The following NARS1 variants were observed in gnomAD, a reference collection of about 807,000 sequenced individuals.
NARS1 encodes asparaginyl-tRNA synthetase 1, also known as asparagine--tRNA ligase, cytoplasmic.
In NARS1, 65 loss-of-function variants were observed where a neutral mutation model predicts 79.2. The observed-to-expected ratio is 0.82, with a 90% CI of 0.67 to 1.01. NARS1 has a LOEUF of 1.01. Ranked by LOEUF, NARS1 falls within the 50% of genes least tolerant of loss-of-function variation. The pLI, the probability that NARS1 is intolerant of heterozygous loss-of-function variation, is 0.00. For missense variants in NARS1, 649 were observed against 673.8 expected (o/e 0.96, Z 0.41); for synonymous variants, 229 against 238.8 (o/e 0.96, Z 0.38).
chr18:57,613,323 T>C (rs931870391), intron 5 of NARS1, among the ~76,000 whole-genome samples: 2 of 151,790 alleles, frequency 1.3e-5, no homozygotes, highest in African/African-American at 4.8e-5. Context: ...TGAAACACCG[T>C]CTCTACTAAA....
chr18:57,603,817 C>T (rs1390969490), intron 11 of NARS1, among the ~76,000 whole-genome samples: 2 of 105,360 alleles, frequency 1.9e-5, no homozygotes, highest in Non-Finnish European at 4.6e-5. Context: ...GAGCTCTAGT[C>T]TCTCAGCTTG....
chr18:57,608,421 G>C lies in NARS1; in HGVS notation c.580-756C>G, dbSNP rs540787439. On this transcript the variant is annotated intron_variant, in intron 7 of 13. Coordinates refer to ENST00000256854, the MANE Select transcript of NARS1 (RefSeq NM_004539.4). The stretch of plus-strand genomic sequence containing the variant: ...CACTGCATTCCAGCCTGCGCAACAA[G>C]AGCGAAACTCCGTCTCAAAAAAAAA... Among the ~76,000 whole-genome samples the C allele has an allele frequency of 1.6e-4, 18 of 109,360 alleles. No individual in the cohort carries two copies. The East Asian group carries it at 5.1e-3, about 31-fold the overall frequency. The allele number at this position is 109,360 out of a possible 152,430, so 71.7% of individuals were successfully genotyped here. A position where few individuals can be genotyped will look rare whatever the true frequency, so the allele number is the denominator to read the frequency against.
chr18:57,602,910 CT>C lies in NARS1; in HGVS notation c.1284del (p.Asp429ThrfsTer37). 6.2e-7 allele frequency: 1 copy of C among 1,614,128 alleles called. No homozygotes were observed. Among genetic ancestry groups the C allele is most frequent in the Admixed American group, 1.7e-5 (1 of 60,020 alleles). ...DIPEAPERLM[T>X]DTINEPILLC... ...AGCAAGATTGGTTCATTAATGGTGTCTGTCATCAGTCTCTCAGGAGCTTCTG... is the reference window on the plus strand; with the variant it reads ...AGCAAGATTGGTTCATTAATGGTGTCGTCATCAGTCTCTCAGGAGCTTCTG... On this transcript the variant is annotated frameshift_variant, in exon 12 of 14. Transcript: ENST00000256854. LOFTEE classifies it high-confidence loss of function.
rs2051568296 is a variant in NARS1 at position 57,607,442 on chromosome 18, A to G, written c.801+2T>C. The stretch of plus-strand genomic sequence containing the variant: ...TGCAAAAGCTGACGAATGCATACTT[A>G]CTTCATAGTACCCCCTATCAAAGAA... On this transcript the variant is annotated splice_donor_variant, in intron 8 of 13. Coordinates refer to ENST00000256854, the MANE Select transcript of NARS1 (RefSeq NM_004539.4). LOFTEE classifies it high-confidence loss of function. The G allele has an allele frequency of 6.2e-7, 1 of 1,613,556 alleles. No individual in the cohort carries two copies. Among genetic ancestry groups the G allele is most frequent in the South Asian group, 1.1e-5 (1 of 91,080 alleles).
Position 57,606,748 on chromosome 18 carries a change from G to GT in NARS1, c.1004dup (p.Tyr335Ter), listed in dbSNP as rs778908716. ...QSRTRRHLAE[Y>*]THVEAECPFL... ...AAGGACACTCAGCTTCCACGTGAGT[G>GT]TACCTGAAGAACGAGACAATAGCTC... Residue 335 changes from tyrosine to a stop codon, truncating the protein, a stop_gained and frameshift_variant, in exon 10 of 14, where the codon TAC becomes TAAC. Coordinates refer to ENST00000256854, the MANE Select transcript of NARS1 (RefSeq NM_004539.4). LOFTEE classifies it high-confidence loss of function. 1.9e-5 allele frequency: 30 copies of GT among 1,614,132 alleles called. No homozygotes were observed. The highest frequency in any genetic ancestry group is 2.4e-5 in the Non-Finnish European group (28 of 1,180,006).
rs374323495 is a variant in NARS1 at position 57,605,954 on chromosome 18, T to A, written c.1154A>T (p.Lys385Ile). ...HELNPNFQPP[K>I]RPFKRMNYSD... ...ATAGTTCATCCGTTTGAAAGGCCGT[T>A]TGGGGGGCTGAAAGTTCTACAGAAG... Residue 385 changes from lysine (K) to isoleucine (I), a missense_variant, in exon 11 of 14, where the codon AAA (lysine) becomes ATA (isoleucine). By Grantham distance (102) the Lys-to-Ile change is moderately radical. Coordinates refer to ENST00000256854, the MANE Select transcript of NARS1 (RefSeq NM_004539.4). 1.1e-5 allele frequency: 17 copies of A among 1,612,798 alleles called. No individual in the cohort carries two copies. The African/African-American group carries it at 2.3e-4, about 22-fold the overall frequency.
chr18:57,612,331 T>G (rs546295605), intron 5 of NARS1, among the ~76,000 whole-genome samples: 6 of 152,344 alleles, frequency 3.9e-5, no homozygotes, highest in Admixed American at 3.9e-4. Context: ...GTGCACTCGG[T>G]GATACATAAA....
intron 13 of NARS1, 119 bp from the exon 14 acceptor site, chr18:57,601,902 A>C: frequency 9.5e-7 from 1 of 1,055,198 alleles, no homozygotes; most frequent in Non-Finnish European, 1.4e-6. Flanking sequence ...GAATTCAACT[A>C]TGGCCAGATT....
At chr18:57,606,231 C>A (rs2051555028) in intron 10 of NARS1, among the ~76,000 whole-genome samples, 1 of 151,554 alleles carries the variant, frequency 6.6e-6, no homozygotes, top group African/African-American at 2.4e-5. Flanking sequence ...CTCCTGTAGT[C>A]CCAGCTACTC....
chr18:57,616,157 T>C (rs574123007), intron 2 of NARS1, 182 bp from the exon 3 acceptor site: 1 of 566,954 alleles, frequency 1.8e-6, no homozygotes, highest in African/African-American at 1.9e-5. Context: ...CTGGGCGCGG[T>C]GGCTCACGCC....
intron 11 of NARS1, among the ~76,000 whole-genome samples, 194 bp downstream of exon 11, chr18:57,605,663 G>A (rs1400394012): frequency 6.6e-6 from 1 of 151,888 alleles, no homozygotes; most frequent in Non-Finnish European, 1.5e-5. Context: ...CTTACTGGGT[G>A]GTACAGAACA....
chr18:57,607,606 A>G lies in NARS1; in HGVS notation c.639T>C (p.Ala213=), dbSNP rs1019729824. The G allele has an allele frequency of 1.2e-6, 2 of 1,614,050 alleles. No individual in the cohort carries two copies. Among genetic ancestry groups the G allele is most frequent in the Admixed American group, 1.7e-5 (1 of 59,994 alleles). The change falls in exon 8 of 14, where the codon GCT becomes GCC. Residue 213 remains alanine, a synonymous_variant. Transcript: ENST00000256854. The part of the protein sequence containing the change: ...DFWELIGLAP[A]GGADNLINEE... ...CATTGATCAGGTTGTCAGCTCCTCC[A>G]GCAGGGGCCAACCCAATTAGTTCCC... is the stretch of plus-strand genomic sequence containing the variant.
chr18:57,607,107 A>G lies in NARS1; in HGVS notation c.1001+27T>C, dbSNP rs750736450. The G allele has an allele frequency of 1.9e-6, 3 of 1,578,450 alleles. No homozygotes were observed. The Admixed American group carries it at 5.6e-5, about 30-fold the overall frequency. On this transcript the variant is annotated intron_variant, in intron 9 of 13. Coordinates refer to ENST00000256854, the MANE Select transcript of NARS1 (RefSeq NM_004539.4). ...TTCTCTAAAGATATTACCTAGAAAG[A>G]AATAAAACAAAAAGACAACTTCATA...
At chr18:57,612,280 T>G (rs1203017524) in intron 5 of NARS1, among the ~76,000 whole-genome samples, 1 of 152,222 alleles carries the variant, frequency 6.6e-6, no homozygotes, top group Non-Finnish European at 1.5e-5. Flanking sequence ...GGATTATGCC[T>G]TATCTACCCT....
At chr18:57,607,971 G>A (rs748157473) in intron 7 of NARS1, among the ~76,000 whole-genome samples, 6 of 151,238 alleles carry the variant, frequency 4.0e-5, no homozygotes, top group Non-Finnish European at 8.8e-5. Flanking sequence ...GGGTTCAAGC[G>A]ATTCTCCTAC....
chr18:57,605,183 C>G (rs2051543587), intron 11 of NARS1, among the ~76,000 whole-genome samples: 1 of 148,184 alleles, frequency 6.7e-6, no homozygotes. Context: ...CATGTGATTT[C>G]AAAGGCTTCA....
chr18:57,611,757 ATT>A, intron 5 of NARS1, 50 bp from the exon 6 acceptor site: 1 of 1,019,502 alleles, frequency 9.8e-7, no homozygotes, highest in Non-Finnish European at 1.4e-6. Context: ...AAGGCATTAA[ATT>A]TTATATATAT....
At chr18:57,616,524 C>T (rs188754819) in intron 2 of NARS1, among the ~76,000 whole-genome samples, 8 of 152,138 alleles carry the variant, frequency 5.3e-5, no homozygotes, top group Admixed American at 2.0e-4. Flanking sequence ...TACAGTTCCC[C>T]AGGAAAAGCA....
Position 57,620,657 on chromosome 18 carries a change from T to C in NARS1, c.11-6A>G. ...GTCAGAGACGTACAGCTCTGCTGTT[T>C]GACAAAATGAGGGTAAGTTATGGTC... On this transcript the variant is annotated splice_polypyrimidine_tract_variant and splice_region_variant and intron_variant, in intron 1 of 13. Transcript: ENST00000256854. 1 of 1,601,132 alleles carries C rather than the reference T, an allele frequency of 6.2e-7. No individual in the cohort carries two copies. The highest frequency in any genetic ancestry group is 8.5e-7 in the Non-Finnish European group (1 of 1,170,360).
Sources: allele counts gnomAD v4.1 joint callset (sites outside exome capture counted in the v4.1 genomes callset), GRCh38; gene constraint gnomAD v4.1.1; transcripts MANE v1.5; gene names NCBI Gene and HGNC (gene_info 2026-07-23, HGNC 2026-07-21).